The following CALN1 variants were observed in gnomAD, a reference collection of about 807,000 sequenced individuals.
CALN1 encodes the protein calcium-binding protein 8.
Under a neutral mutation model 30.6 loss-of-function variants are expected in CALN1, and 17 were observed. The ratio of observed to expected loss-of-function variants is 0.56; its 90% CI spans 0.38 to 0.83. CALN1 has a LOEUF of 0.83. CALN1 is among the 40% of genes least tolerant of loss of function. The pLI, the probability that CALN1 is intolerant of heterozygous loss-of-function variation, is 0.00. For missense variants in CALN1, 291 were observed against 354.9 expected (o/e 0.82, Z 1.45); for synonymous variants, 156 against 131.4 (o/e 1.19, Z -1.28).
At chr7:72,499,696 GA>G in the CALN1 span, among the ~76,000 whole-genome samples, 1 of 152,002 alleles carries the variant, frequency 6.6e-6, no homozygotes, top group South Asian at 2.1e-4. Flanking sequence ...AAATATAAAA[GA>G]ATCTATAAAA....
intron 3 of CALN1, among the ~76,000 whole-genome samples, chr7:72,221,360 C>T (rs1286925383): frequency 7.0e-6 from 1 of 143,754 alleles, no homozygotes; most frequent in East Asian, 2.0e-4. Flanking sequence ...ATCTGTTGCC[C>T]AGGCTGGAGT....
intron 2 of CALN1, among the ~76,000 whole-genome samples, chr7:72,282,270 CAACA>C (rs2129554269): frequency 6.6e-6 from 1 of 152,198 alleles, no homozygotes; most frequent in East Asian, 1.9e-4. Flanking sequence ...CTATAGAGAG[CAACA>C]AACAAAAATA....
intron 3 of CALN1, among the ~76,000 whole-genome samples, chr7:72,192,917 G>C (rs1312061359): frequency 6.6e-6 from 1 of 150,430 alleles, no homozygotes; most frequent in African/African-American, 2.4e-5. Flanking sequence ...GCCAGGAACA[G>C]TGGCTCACGC....
At chr7:72,102,167 G>A (rs1806718220) in intron 4 of CALN1, among the ~76,000 whole-genome samples, 1 of 152,142 alleles carries the variant, frequency 6.6e-6, no homozygotes, top group African/African-American at 2.4e-5. Context: ...TACGAGGGCT[G>A]GGTGCAGTAG....
intron 5 of CALN1, among the ~76,000 whole-genome samples, chr7:72,004,438 G>GA (rs1799670686): frequency 6.6e-6 from 1 of 151,990 alleles, no homozygotes; most frequent in Non-Finnish European, 1.5e-5. Flanking sequence ...ACTTTTAGAA[G>GA]AAAAAAATAG....
chr7:72,340,423 T>G (rs1802326836), intron 2 of CALN1, among the ~76,000 whole-genome samples: 1 of 152,058 alleles, frequency 6.6e-6, no homozygotes, highest in African/African-American at 2.4e-5. Context: ...ATGTAGAGCT[T>G]TCATGGATTG....
chr7:71,856,468 T>G (rs1790952189), intron 5 of CALN1, among the ~76,000 whole-genome samples: 1 of 152,098 alleles, frequency 6.6e-6, no homozygotes, highest in Non-Finnish European at 1.5e-5. Flanking sequence ...TCTTTGATGT[T>G]ATATTTTAGA....
At chr7:72,027,140 T>C (rs563962741) in intron 4 of CALN1, among the ~76,000 whole-genome samples, 116 of 152,296 alleles carry the variant, frequency 7.6e-4, no homozygotes, top group African/African-American at 2.5e-3. Flanking sequence ...CAGTACATAA[T>C]ACACAGTGTA....
intron 2 of CALN1, among the ~76,000 whole-genome samples, chr7:72,336,290 G>C (rs961038526): frequency 7.2e-5 from 11 of 152,108 alleles, no homozygotes; most frequent in African/African-American, 2.4e-4. Flanking sequence ...GTGCGGCTCC[G>C]AGTCCCCTGC....
chr7:72,008,711 G>A (rs1799910886), intron 5 of CALN1, among the ~76,000 whole-genome samples: 1 of 149,676 alleles, frequency 6.7e-6, no homozygotes, highest in African/African-American at 2.5e-5. Context: ...GCTGGGGTGA[G>A]GCAGTGTGAT....
At chr7:71,917,658 G>A (rs187509493) in intron 5 of CALN1, among the ~76,000 whole-genome samples, 6 of 152,088 alleles carry the variant, frequency 3.9e-5, no homozygotes, top group African/African-American at 9.7e-5. Context: ...GAGTGCAAGT[G>A]GGGGGAGGAA....
intron 3 of CALN1, among the ~76,000 whole-genome samples, chr7:72,187,312 C>G (rs373109797): frequency 1.4e-4 from 21 of 152,180 alleles, no homozygotes; most frequent in African/African-American, 4.1e-4. Flanking sequence ...GCAAGGAATT[C>G]TTGTCCATAG....
At chr7:72,491,110 G>A in the CALN1 span, among the ~76,000 whole-genome samples, 1 of 152,092 alleles carries the variant, frequency 6.6e-6, no homozygotes, top group African/African-American at 2.4e-5. Context: ...CAGGCGTGGT[G>A]GCAGGCGCCT....
At chr7:72,095,590 G>A (rs1326495241) in intron 4 of CALN1, among the ~76,000 whole-genome samples, 1 of 152,302 alleles carries the variant, frequency 6.6e-6, no homozygotes, top group East Asian at 1.9e-4. Flanking sequence ...TGAGCTCCCT[G>A]CAGGAGACTA....
intron 1 of CALN1, among the ~76,000 whole-genome samples, chr7:72,437,917 CTCTCTCCCTTCCT>C (rs1245349292): frequency 6.8e-6 from 1 of 147,592 alleles, no homozygotes; most frequent in Non-Finnish European, 1.5e-5. Flanking sequence ...CTTCCCTTCC[CTCTCTCCCTTCCT>C]TCCCTCTCTC....
intron 4 of CALN1, among the ~76,000 whole-genome samples, chr7:72,051,570 G>T (rs902470073): frequency 1.3e-5 from 2 of 152,078 alleles, no homozygotes; most frequent in Non-Finnish European, 2.9e-5. Context: ...CCAGGATGAA[G>T]AAAAAGTGGA....
At chr7:72,054,438 T>C (rs1398590903) in intron 4 of CALN1, among the ~76,000 whole-genome samples, 1 of 48,944 alleles carries the variant, frequency 2.0e-5, no homozygotes, top group African/African-American at 8.2e-5. Context: ...TACACGTATA[T>C]ATATATATAC....
Position 71,882,608 on chromosome 7 carries a change from T to G in CALN1, c.502-72116A>C, listed in dbSNP as rs572205491. On this transcript the variant is annotated intron_variant, in intron 5 of 6. Coordinates refer to ENST00000395275, the MANE Select transcript of CALN1 (RefSeq NM_031468.4). ...TTTGTTCTAGATAACTGCTATCCTC[T>G]CAGAGAGGCCTTCCCCTTTGCATCC... 1.3e-3 allele frequency among the ~76,000 whole-genome samples: 204 copies of G among 152,286 alleles called. 3 individuals are homozygous for G. In the South Asian group the frequency reaches 0.024, roughly 18 times the overall value.
intron 3 of CALN1, among the ~76,000 whole-genome samples, chr7:72,226,889 T>C (rs755789188): frequency 1.3e-5 from 2 of 151,532 alleles, no homozygotes; most frequent in Admixed American, 6.6e-5. Context: ...AAAAAACAAT[T>C]AGCCACGCAT....
Sources: gnomAD v4.1 joint callset for allele counts (sites outside exome capture counted in the v4.1 genomes callset) on GRCh38, gnomAD v4.1.1 for gene constraint, MANE v1.5 for transcripts, NCBI Gene and HGNC (gene_info 2026-07-23, HGNC 2026-07-21) for gene names.